ASIC2: variants seen among roughly 807,000 people sequenced by gnomAD.
The protein encoded by ASIC2 is acid sensing ion channel subunit 2.
ASIC2 carries 25 observed loss-of-function variants against 57.3 expected under a neutral mutation model. The ratio of observed to expected loss-of-function variants is 0.44; its 90% CI spans 0.32 to 0.61. The LOEUF is 0.61. Ranked by LOEUF, ASIC2 falls within the 20% of genes least tolerant of loss-of-function variation. ASIC2 has a pLI of 0.06. For synonymous variants in ASIC2, 319 were observed against 307.5 expected, an observed-to-expected ratio of 1.04 and a Z score of -0.39; for missense variants, 641 against 738.1, an observed-to-expected ratio of 0.87 and a Z score of 1.52.
At chr17:33,907,050 G>A (rs1249129637) in intron 1 of ASIC2, among the ~76,000 whole-genome samples, 1 of 152,120 alleles carries the variant, frequency 6.6e-6, no homozygotes, top group Admixed American at 6.5e-5. Flanking sequence ...CAAGGGTTGG[G>A]TATAGAGAGC....
intron 1 of ASIC2, among the ~76,000 whole-genome samples, chr17:33,253,367 G>A (rs1175960735): frequency 6.6e-6 from 1 of 152,110 alleles, no homozygotes; most frequent in African/African-American, 2.4e-5. Context: ...ATGTGTGCAT[G>A]CACGTATATG....
chr17:33,529,363 A>G (rs1432354065), intron 1 of ASIC2, among the ~76,000 whole-genome samples: 1 of 152,100 alleles, frequency 6.6e-6, no homozygotes, highest in African/African-American at 2.4e-5. Context: ...TGGGGCTGAG[A>G]ACCACCAAGG....
chr17:33,862,979 G>C (rs1914136560), intron 1 of ASIC2, among the ~76,000 whole-genome samples: 1 of 152,180 alleles, frequency 6.6e-6, no homozygotes, highest in Non-Finnish European at 1.5e-5. Flanking sequence ...CATCACTGCA[G>C]CTCTTCCCCT....
At chr17:33,294,859 G>T (rs2142187537), upstream of ASIC2, among the ~76,000 whole-genome samples, 1 of 152,318 alleles carries the variant, frequency 6.6e-6, no homozygotes, top group Non-Finnish European at 1.5e-5. Context: ...GATGTCTGTT[G>T]CTGGCTTTGA....
intron 1 of ASIC2, among the ~76,000 whole-genome samples, chr17:33,979,456 T>G (rs1253827760): frequency 1.3e-5 from 2 of 152,100 alleles, no homozygotes; most frequent in African/African-American, 4.8e-5. Context: ...GTCCCCTGTA[T>G]GCACAGAGTA....
chr17:33,513,033 A>G (rs1159062922), intron 1 of ASIC2, among the ~76,000 whole-genome samples: 1 of 152,176 alleles, frequency 6.6e-6, no homozygotes, highest in African/African-American at 2.4e-5. Context: ...ATTATACGAA[A>G]TAGTTTTATT....
intron 1 of ASIC2, among the ~76,000 whole-genome samples, chr17:33,573,790 T>C (rs1916530465): frequency 6.6e-6 from 1 of 152,140 alleles, no homozygotes; most frequent in Non-Finnish European, 1.5e-5. Flanking sequence ...GGTCTCGAAC[T>C]CCTGACCTCC....
intron 1 of ASIC2, among the ~76,000 whole-genome samples, chr17:33,669,245 C>A (rs901920208): frequency 6.6e-6 from 1 of 152,182 alleles, no homozygotes; most frequent in Non-Finnish European, 1.5e-5. Flanking sequence ...CCAGGCACCA[C>A]ACATCGTTTC....
At chr17:34,118,482 T>C (rs547640331) in intron 1 of ASIC2, 1 of 152,280 alleles carries the variant, frequency 6.6e-6, no homozygotes, top group African/African-American at 2.4e-5. Context: ...GAAGATCCCA[T>C]TAAGGTTGAT....
intron 1 of ASIC2, among the ~76,000 whole-genome samples, chr17:33,192,910 G>T (rs1906483625): frequency 6.6e-6 from 1 of 151,906 alleles, no homozygotes; most frequent in African/African-American, 2.4e-5. Context: ...TTTTTGGATT[G>T]AATGGAAAAA....
chr17:33,894,703 C>T (rs903607454), intron 1 of ASIC2, among the ~76,000 whole-genome samples: 2 of 152,038 alleles, frequency 1.3e-5, no homozygotes, highest in African/African-American at 2.4e-5. Flanking sequence ...TGCAAGTGAA[C>T]GTGTGAGAGA....
chr17:33,289,326 C>T (rs183091149), intron 1 of ASIC2, among the ~76,000 whole-genome samples: 5 of 152,296 alleles, frequency 3.3e-5, no homozygotes, highest in Admixed American at 2.6e-4. Context: ...ACAATTGACC[C>T]ACACAACTCA....
Position 34,134,207 on chromosome 17 carries a change from A to G in ASIC2, c.555+21771T>C, listed in dbSNP as rs76921175. 5.9e-3 allele frequency among the ~76,000 whole-genome samples: 892 copies of G among 152,310 alleles called. 15 individuals are homozygous for G. The East Asian group carries it at 0.063, about 11-fold the overall frequency. On this transcript the variant is annotated intron_variant, in intron 1 of 9. Transcript: ENST00000359872. The stretch of plus-strand genomic sequence containing the variant: ...CTTCTAGAGTCATGTTGTAGTTGGC[A>G]TCAGAGGTTTGGGGGTGAACAATGA...
chr17:33,117,950 G>T (rs1364948783), intron 1 of ASIC2, among the ~76,000 whole-genome samples: 7 of 152,226 alleles, frequency 4.6e-5, no homozygotes, highest in South Asian at 2.1e-4. Flanking sequence ...AGTTAGAGGG[G>T]AAGAAAACAG....
chr17:33,327,058 C>T (rs1907108111), intron 1 of ASIC2, among the ~76,000 whole-genome samples: 1 of 152,184 alleles, frequency 6.6e-6, no homozygotes, highest in South Asian at 2.1e-4. Context: ...ATCAGTTTCT[C>T]TCAAACTCAC....
intron 1 of ASIC2, among the ~76,000 whole-genome samples, chr17:33,518,810 C>CTG (rs2141953736): frequency 6.6e-6 from 1 of 152,086 alleles, no homozygotes; most frequent in East Asian, 1.9e-4. Context: ...CACAGTGGCC[C>CTG]TGTGAGATAA....
At chr17:33,894,308 G>A (rs567282158) in intron 1 of ASIC2, among the ~76,000 whole-genome samples, 2 of 151,666 alleles carry the variant, frequency 1.3e-5, no homozygotes, top group African/African-American at 4.8e-5. Flanking sequence ...AAGAGGGGAA[G>A]GACAGAATGA....
At chr17:33,353,854 A>C (rs1908274941) in intron 1 of ASIC2, among the ~76,000 whole-genome samples, 1 of 152,184 alleles carries the variant, frequency 6.6e-6, no homozygotes, top group African/African-American at 2.4e-5. Flanking sequence ...CAGGGTCTCC[A>C]TCAAGGCTAT....
intron 2 of ASIC2, among the ~76,000 whole-genome samples, chr17:33,105,806 A>T (rs1171503819): frequency 1.3e-5 from 2 of 152,192 alleles, no homozygotes; most frequent in African/African-American, 4.8e-5. Context: ...GAGATGAGGA[A>T]CTTGTTGAAA....
Sources: allele counts gnomAD v4.1 joint callset (sites outside exome capture counted in the v4.1 genomes callset), GRCh38; gene constraint gnomAD v4.1.1; transcripts MANE v1.5; gene names NCBI Gene and HGNC (gene_info 2026-07-23, HGNC 2026-07-21).